The following SNTG1 variants were observed in gnomAD, a reference collection of about 807,000 sequenced individuals.
SNTG1 encodes the protein syntrophin gamma 1.
Under a neutral mutation model 74.7 loss-of-function variants are expected in SNTG1, and 39 were observed. The observed-to-expected ratio is 0.52, with a 90% CI of 0.40 to 0.68. The LOEUF (loss-of-function observed/expected upper bound fraction) is 0.68. Among genes scored for constraint, SNTG1 ranks in the 30% least tolerant of loss-of-function variants. The pLI is 0.00. For synonymous variants in SNTG1, 254 were observed against 217.1 expected (o/e 1.17, Z -1.49); for missense variants, 685 against 609.5 (o/e 1.12, Z -1.30).
At chr8:50,287,127 G>A (rs1015540762) in intron 2 of SNTG1, among the ~76,000 whole-genome samples, 8 of 151,966 alleles carry the variant, frequency 5.3e-5, no homozygotes, top group African/African-American at 1.7e-4. Context: ...GGTTCCCCTA[G>A]AGAACCATCC....
intron 1 of SNTG1, among the ~76,000 whole-genome samples, chr8:50,106,242 G>A (rs1256289356): frequency 6.6e-6 from 1 of 152,064 alleles, no homozygotes; most frequent in East Asian, 1.9e-4. Flanking sequence ...TTCACATAGA[G>A]GGAGGAGAGC....
In SNTG1 at chr8:50,429,830, G is replaced by A. The variant is rs563935622; in HGVS notation, c.163-8713G>A. On this transcript the variant is annotated intron_variant, in intron 4 of 18. Transcript: ENST00000642720. ...AAATGGGCAAATAATTTGACTAGAT[G>A]TTTCACTAAAGAAGGTATATAAATG... Among the ~76,000 whole-genome samples the A allele has an allele frequency of 1.2e-3, 190 of 152,144 alleles. 1 individual carries two copies. The highest frequency in any genetic ancestry group is 4.4e-3 in the African/African-American group (182 of 41,530).
At chr8:50,237,519 C>T (rs2085968531) in intron 2 of SNTG1, among the ~76,000 whole-genome samples, 1 of 152,106 alleles carries the variant, frequency 6.6e-6, no homozygotes, top group Admixed American at 6.5e-5. Context: ...ATCTTATCAA[C>T]TATTCATGTA....
At chr8:50,759,551 T>G (rs1202436573) in intron 18 of SNTG1, among the ~76,000 whole-genome samples, 4 of 152,070 alleles carry the variant, frequency 2.6e-5, no homozygotes, top group African/African-American at 9.7e-5. Flanking sequence ...CCCAGCACCA[T>G]TTATTAAATA....
chr8:50,327,729 T>C (rs1315557282), intron 2 of SNTG1, among the ~76,000 whole-genome samples: 2 of 152,242 alleles, frequency 1.3e-5, no homozygotes, highest in Non-Finnish European at 2.9e-5. Flanking sequence ...TCTTCTTTGT[T>C]TCATTTTTGT....
intron 10 of SNTG1, among the ~76,000 whole-genome samples, chr8:50,536,162 A>G (rs1209508873): frequency 6.6e-6 from 1 of 152,210 alleles, no homozygotes; most frequent in Non-Finnish European, 1.5e-5. Context: ...AAAAAGGAGC[A>G]CAGATTTCCT....
chr8:50,352,430 G>A (rs897381673), intron 2 of SNTG1, among the ~76,000 whole-genome samples: 2 of 150,710 alleles, frequency 1.3e-5, no homozygotes, highest in African/African-American at 4.9e-5. Flanking sequence ...CACTCTTGTT[G>A]CCCAGGCTGG....
chr8:50,142,231 T>C (rs952720965), intron 1 of SNTG1, among the ~76,000 whole-genome samples: 4 of 152,092 alleles, frequency 2.6e-5, no homozygotes, highest in African/African-American at 4.8e-5. Context: ...ACAGGCATTT[T>C]ACAAGATCTG....
At chr8:50,587,622 C>T (rs1003453543) in intron 12 of SNTG1, among the ~76,000 whole-genome samples, 3 of 144,918 alleles carry the variant, frequency 2.1e-5, no homozygotes, top group East Asian at 4.2e-4. Flanking sequence ...GTCAGGAGTT[C>T]GAGACCAGAC....
intron 1 of SNTG1, among the ~76,000 whole-genome samples, chr8:49,951,276 G>A (rs1809671958): frequency 6.6e-6 from 1 of 152,170 alleles, no homozygotes; most frequent in Non-Finnish European, 1.5e-5. Flanking sequence ...TCAGTGGACT[G>A]AAAAATAAAA....
intron 2 of SNTG1, among the ~76,000 whole-genome samples, chr8:50,229,671 A>C (rs2085518162): frequency 6.6e-6 from 1 of 151,360 alleles, no homozygotes; most frequent in African/African-American, 2.4e-5. Context: ...TTTTTAAGTA[A>C]CATTGATTAA....
chr8:49,947,559 A>T (rs1809314727), intron 1 of SNTG1, among the ~76,000 whole-genome samples: 1 of 152,200 alleles, frequency 6.6e-6, no homozygotes, highest in African/African-American at 2.4e-5. Flanking sequence ...ACTTAAATGT[A>T]TTCTAATATC....
chr8:50,159,192 A>G (rs1171052123), intron 1 of SNTG1, among the ~76,000 whole-genome samples: 4 of 151,838 alleles, frequency 2.6e-5, no homozygotes, highest in Non-Finnish European at 5.9e-5. Flanking sequence ...ATTTTTGACT[A>G]TTTTAAATAT....
intron 5 of SNTG1, among the ~76,000 whole-genome samples, chr8:50,441,589 C>T (rs1266598758): frequency 1.3e-5 from 2 of 152,162 alleles, no homozygotes; most frequent in African/African-American, 4.8e-5. Context: ...AACAGCTTTA[C>T]ATTTTAAAAA....
At position 50,053,623 on chromosome 8, in the gene SNTG1, TTGTGTGTGTG is replaced by T. The variant is rs60947505; in HGVS notation, c.-102-118912_-102-118903del. Among the ~76,000 whole-genome samples the T allele has an allele frequency of 1.4e-3, 183 of 134,462 alleles. 1 individual carries two copies. The highest frequency in any genetic ancestry group is 7.8e-3 in the South Asian group (32 of 4,100). 88.2% of individuals were successfully genotyped at this position (134,462 alleles called of 152,430 possible). ...TATGCATATATATAAATATATATAA[TTGTGTGTGTG>T]TGTGTGTGTGTGTGTGTGTGTGTGT... On this transcript the variant is annotated intron_variant, in intron 1 of 18. Transcript: ENST00000642720.
chr8:50,084,222 G>A lies in SNTG1; in HGVS notation c.-102-88339G>A, dbSNP rs911563878. 2.6e-5 allele frequency among the ~76,000 whole-genome samples: 4 copies of A among 152,174 alleles called. No individual in the cohort carries two copies. In the South Asian group the frequency reaches 8.3e-4, roughly 31 times the overall value. On this transcript the variant is annotated intron_variant, in intron 1 of 18. Transcript: ENST00000642720. ...CACGCCTGTAATCCCAGCTCCTTGG[G>A]AAGCCGAGGCAGGAAGATCACGAGG... is the stretch of plus-strand genomic sequence containing the variant.
intron 2 of SNTG1, among the ~76,000 whole-genome samples, chr8:50,215,422 A>T (rs2084737698): frequency 6.8e-6 from 1 of 147,200 alleles, no homozygotes; most frequent in South Asian, 2.1e-4. Flanking sequence ...TACTATATAT[A>T]TTTTATATAT....
At position 50,676,129 on chromosome 8, in the gene SNTG1, G is replaced by A. The variant is rs1032951382; in HGVS notation, c.1038+17466G>A. 5.3e-5 allele frequency among the ~76,000 whole-genome samples: 8 copies of A among 151,926 alleles called. No homozygotes were observed. The East Asian group carries it at 1.5e-3, about 29-fold the overall frequency. ...GTGTCTTGGGGTATATCTTCTCATA[G>A]AGTATCTTAGTGTTGTTCTCTGCAT... is the stretch of plus-strand genomic sequence containing the variant. On this transcript the variant is annotated intron_variant, in intron 15 of 18. Coordinates refer to ENST00000642720, the MANE Select transcript of SNTG1 (RefSeq NM_018967.5).
intron 2 of SNTG1, among the ~76,000 whole-genome samples, chr8:50,392,914 C>T (rs2092681219): frequency 6.6e-6 from 1 of 152,016 alleles, no homozygotes; most frequent in African/African-American, 2.4e-5. Context: ...GTCTATTTCT[C>T]TGGTTGCTTT....
Sources: gnomAD v4.1 joint callset for allele counts (sites outside exome capture counted in the v4.1 genomes callset) on GRCh38, gnomAD v4.1.1 for gene constraint, MANE v1.5 for transcripts, NCBI Gene and HGNC (gene_info 2026-07-23, HGNC 2026-07-21) for gene names.